MID1: variants seen among roughly 807,000 people sequenced by gnomAD.
The protein encoded by MID1 is E3 ubiquitin-protein ligase Midline-1.
A neutral mutation model predicts 40.4 loss-of-function variants in MID1; 7 were observed. The ratio of observed to expected loss-of-function variants is 0.17; its 90% CI spans 0.10 to 0.33. MID1 has a LOEUF of 0.33. Among genes scored for constraint, MID1 ranks in the 10% least tolerant of loss-of-function variants. MID1 has a pLI of 1.00. For synonymous variants in MID1, 229 were observed against 221.2 expected, an observed-to-expected ratio of 1.04 and a Z score of -0.31; for missense variants, 367 against 558.5, an observed-to-expected ratio of 0.66 and a Z score of 3.46.
rs73492969 is a variant in MID1, at chrX:10,480,573, G to A, written c.1013+1907C>T. On this transcript the variant is annotated intron_variant, in intron 5 of 9. Coordinates refer to ENST00000317552, the MANE Select transcript of MID1 (RefSeq NM_000381.4). ...TATCTATTAGTGTCCTAGGTACACT[G>A]GAGTATTAGTGCTATTTGCAGTTTT... Among the ~76,000 whole-genome samples the A allele has an allele frequency of 9.8e-3, 1,104 of 112,141 alleles. 12 individuals carry two copies. Among genetic ancestry groups the A allele is most frequent in the African/African-American group, 0.034 (1,049 of 30,888 alleles).
At chrX:10,798,172 T>A (rs2043979865) in intron 1 of MID1, among the ~76,000 whole-genome samples, 1 of 112,190 alleles carries the variant, frequency 8.9e-6, no homozygotes, top group African/African-American at 3.2e-5. Context: ...AGAGCAATTA[T>A]TCTCCAAAGC....
At chrX:10,699,865 C>A (rs914429178) in intron 1 of MID1, among the ~76,000 whole-genome samples, 1 of 108,605 alleles carries the variant, frequency 9.2e-6, no homozygotes, top group Admixed American at 9.9e-5. Flanking sequence ...TCTTGTTGCC[C>A]AGGTTGGAGT....
intron 1 of MID1, among the ~76,000 whole-genome samples, chrX:10,654,474 CT>C (rs2042855841): frequency 8.9e-6 from 1 of 111,870 alleles, no homozygotes; most frequent in Admixed American, 9.5e-5. Context: ...AACTGTTCCA[CT>C]TCAGATCATC....
intron 1 of MID1, among the ~76,000 whole-genome samples, chrX:10,828,947 T>C (rs772663408): frequency 1.8e-4 from 20 of 112,194 alleles, no homozygotes; most frequent in Non-Finnish European, 3.0e-4. Context: ...TCTCCATCGA[T>C]AGATGAGGAA....
intron 3 of MID1, among the ~76,000 whole-genome samples, chrX:10,513,194 T>C (rs986376657): frequency 8.9e-6 from 1 of 112,595 alleles, no homozygotes; most frequent in African/African-American, 3.2e-5. Context: ...GTAATTATTT[T>C]ATACACAGAG....
intron 3 of MID1, among the ~76,000 whole-genome samples, chrX:10,510,210 C>T (rs1016418669): frequency 1.4e-4 from 16 of 111,503 alleles, no homozygotes; most frequent in South Asian, 1.1e-3. Flanking sequence ...TTTTAAATTG[C>T]GGTAAAATTT....
intron 1 of MID1, among the ~76,000 whole-genome samples, chrX:10,820,708 A>C (rs953775565): frequency 7.2e-5 from 8 of 111,806 alleles, no homozygotes; most frequent in African/African-American, 2.6e-4. Flanking sequence ...TATCAAAGTA[A>C]AGTTTGCCAT....
At chrX:10,462,657 A>ATT (rs111954715) in intron 7 of MID1, among the ~76,000 whole-genome samples, 8 of 108,297 alleles carry the variant, frequency 7.4e-5, no homozygotes, top group African/African-American at 2.7e-4. Flanking sequence ...GATTTTATAC[A>ATT]TTTTTTTTTT....
In MID1 at chrX:10,523,203, A is replaced by T; in HGVS notation, c.661-16T>A. ...CTAAGTTTTGCTGTTCAAAAAAAAAAAAAAAAGAGGAAAAATATTATTCTG... is the reference window on the plus strand; with the variant it reads ...CTAAGTTTTGCTGTTCAAAAAAAAATAAAAAAGAGGAAAAATATTATTCTG... On this transcript the variant is annotated splice_polypyrimidine_tract_variant and intron_variant, in intron 2 of 9. Transcript: ENST00000317552. The T allele has an allele frequency of 9.0e-7, 1 of 1,110,103 alleles. No individual in the cohort carries two copies. The highest frequency in any genetic ancestry group is 1.2e-6 in the Non-Finnish European group (1 of 807,219). 91.5% of individuals were successfully genotyped at this position (1,110,103 alleles called of 1,213,427 possible). A position where few individuals can be genotyped will look rare whatever the true frequency, so the allele number is the denominator to read the frequency against.
chrX:10,592,451 A>G (rs1006738251), intron 1 of MID1, among the ~76,000 whole-genome samples: 2 of 109,594 alleles, frequency 1.8e-5, no homozygotes, highest in African/African-American at 6.6e-5. Flanking sequence ...AATGGGATAG[A>G]AAGCATTGCT....
intron 1 of MID1, among the ~76,000 whole-genome samples, chrX:10,675,748 G>T (rs1548520): frequency 0.15 from 16,460 of 110,938 alleles, 1,989 homozygotes; most frequent in African/African-American, 0.4. Context: ...AGAAATAACA[G>T]AATGGAATTA....
intron 1 of MID1, among the ~76,000 whole-genome samples, chrX:10,726,948 C>G (rs2043396292): frequency 8.9e-6 from 1 of 112,296 alleles, no homozygotes; most frequent in African/African-American, 3.2e-5. Flanking sequence ...CTGGGAAGGG[C>G]TACAGCTAGC....
chrX:10,446,944 T>A lies in MID1; in HGVS notation c.*2424A>T, dbSNP rs1928067204. 1 of 111,969 alleles carries A rather than the reference T, an allele frequency of 8.9e-6. No individual in the cohort carries two copies. Among genetic ancestry groups the A allele is most frequent in the African/African-American group, 3.3e-5 (1 of 30,719 alleles). The allele number at this position is 111,969 out of a possible 1,213,427, so 9.2% of individuals were successfully genotyped here. ...AATAAAATACTGTGACCTCAATCAGTTTAAAGAGAATGCAAAATTACACTG... is the reference window on the plus strand; with the variant it reads ...AATAAAATACTGTGACCTCAATCAGATTAAAGAGAATGCAAAATTACACTG... On this transcript the variant is annotated 3_prime_UTR_variant, in exon 10 of 10. Transcript: ENST00000317552.
chrX:10,782,088 A>G (rs763031943), intron 1 of MID1, among the ~76,000 whole-genome samples: 1 of 112,395 alleles, frequency 8.9e-6, no homozygotes, highest in African/African-American at 3.2e-5. Flanking sequence ...GGATAACAAA[A>G]GAATTTGCAT....
At chrX:10,597,056 G>A (rs1466313454) in intron 1 of MID1, among the ~76,000 whole-genome samples, 1 of 110,992 alleles carries the variant, frequency 9.0e-6, no homozygotes, top group Admixed American at 9.6e-5. Flanking sequence ...AAGAGAGAGA[G>A]AGAGAATGGC....
intron 1 of MID1, among the ~76,000 whole-genome samples, chrX:10,714,666 G>C (rs1211104613): frequency 8.9e-6 from 1 of 112,490 alleles, no homozygotes; most frequent in African/African-American, 3.2e-5. Context: ...ATGGATAAAA[G>C]TAAGTCACAT....
chrX:10,721,246 G>C (rs1317402869), intron 1 of MID1, among the ~76,000 whole-genome samples: 1 of 110,760 alleles, frequency 9.0e-6, no homozygotes, highest in African/African-American at 3.3e-5. Context: ...GTGTTAAGGG[G>C]TTTTCTTGTG....
chrX:10,660,790 C>T (rs2042905979), intron 1 of MID1, among the ~76,000 whole-genome samples: 1 of 111,829 alleles, frequency 8.9e-6, no homozygotes, highest in African/African-American at 3.3e-5. Flanking sequence ...CATCAATTCA[C>T]ACTGATTAGA....
At chrX:10,636,785 G>GAGATATATATATATAT (rs757390504) in intron 1 of MID1, among the ~76,000 whole-genome samples, 130 of 42,702 alleles carry the variant, frequency 3.0e-3, no homozygotes, top group Non-Finnish European at 4.4e-3. Flanking sequence ...CAACAATGGG[G>GAGATATATATATATAT]ATATATATAT....
Sources: gnomAD v4.1 joint callset for allele counts (sites outside exome capture counted in the v4.1 genomes callset) on GRCh38, gnomAD v4.1.1 for gene constraint, MANE v1.5 for transcripts, NCBI Gene and HGNC (gene_info 2026-07-23, HGNC 2026-07-21) for gene names.